The following SLC17A9 variants were observed in gnomAD, a reference collection of about 807,000 sequenced individuals.
SLC17A9 encodes solute carrier family 17 member 9, also known as voltage-gated purine nucleotide uniporter SLC17A9.
A neutral mutation model predicts 55.0 loss-of-function variants in SLC17A9; 49 were observed. The ratio of observed to expected loss-of-function variants is 0.89; its 90% CI spans 0.71 to 1.13. The LOEUF is 1.13. Ranked by LOEUF, SLC17A9 falls within the 50% of genes most tolerant of loss-of-function variation. The pLI is 0.00. For synonymous variants in SLC17A9, 256 were observed against 247.4 expected (o/e 1.03, Z -0.32); for missense variants, 526 against 569.3 (o/e 0.92, Z 0.77).
At chr20:62,964,077 A>T in intron 7 of SLC17A9, 151 bp from the exon 8 acceptor site, 1 of 771,806 alleles carries the variant, frequency 1.3e-6, no homozygotes, top group Admixed American at 2.0e-5. Flanking sequence ...GTGGTGGTCA[A>T]GAGCTGCACA....
At chr20:62,964,947 G>A (rs536819256) in intron 8 of SLC17A9, 185 bp from the exon 9 acceptor site, 8 of 620,186 alleles carry the variant, frequency 1.3e-5, no homozygotes, top group Admixed American at 8.7e-5. Flanking sequence ...GCGCACATGC[G>A]GCCTCGCGGC....
intron 1 of SLC17A9, among the ~76,000 whole-genome samples, chr20:62,955,314 AT>A (rs199788073): frequency 0.023 from 3,520 of 151,556 alleles, 49 homozygotes; most frequent in African/African-American, 0.03. Context: ...CGCCTGGCTA[AT>A]TTTTACATTT....
chr20:62,960,734 C>T (rs1300515102), intron 4 of SLC17A9, 131 bp downstream of exon 4: 1 of 838,008 alleles, frequency 1.2e-6, no homozygotes, highest in Non-Finnish European at 1.9e-6. Flanking sequence ...GTCCCGCAGG[C>T]GCCTTTTGGG....
chr20:62,966,474 A>G (rs1477848787), intron 10 of SLC17A9, 51 bp from the exon 11 acceptor site: 2 of 1,592,002 alleles, frequency 1.3e-6, no homozygotes, highest in Non-Finnish European at 1.7e-6. Context: ...ACCCTGGGCC[A>G]CCAGCTCGGT....
chr20:62,955,163 C>T (rs1316484824), intron 1 of SLC17A9, among the ~76,000 whole-genome samples: 2 of 150,754 alleles, frequency 1.3e-5, no homozygotes, highest in Non-Finnish European at 1.5e-5. Flanking sequence ...GATGGAGTCT[C>T]GCTAGGTGGA....
intron 12 of SLC17A9, 159 bp downstream of exon 12, chr20:62,966,891 C>T (rs2065645810): frequency 1.1e-6 from 1 of 897,572 alleles, no homozygotes; most frequent in Non-Finnish European, 1.6e-6. Context: ...GATGGGGCTG[C>T]CTTCCAGGTT....
chr20:62,965,602 T>C lies in SLC17A9; in HGVS notation c.946-8T>C. On this transcript the variant is annotated splice_polypyrimidine_tract_variant and splice_region_variant and intron_variant, in intron 9 of 12. Transcript: ENST00000370351. ...GTGCCTCTCCGTCACGGTGGCGCTT[T>C]CCTGCAGGGCATGGGCCTTGGCCTC... The C allele has an allele frequency of 6.2e-7, 1 of 1,611,166 alleles. No homozygotes were observed. The highest frequency in any genetic ancestry group is 8.5e-7 in the Non-Finnish European group (1 of 1,179,776).
intron 1 of SLC17A9, among the ~76,000 whole-genome samples, chr20:62,954,184 A>G (rs538807316): frequency 6.6e-6 from 1 of 152,334 alleles, no homozygotes; most frequent in African/African-American, 2.4e-5. Flanking sequence ...CCCTTGCCAC[A>G]GCTCTTCAAC....
Position 62,964,250 on chromosome 20 carries a change from C to T in SLC17A9, c.845C>T (p.Pro282Leu), listed in dbSNP as rs768718040. Residue 282 changes from proline to leucine, a missense_variant, in exon 8 of 13, where the codon CCT becomes CTT. Transcript: ENST00000370351. ...DAKGWIFNVV[P>L]WLVAIPASLF... ...CAGGGCTGGATCTTCAACGTGGTTC[C>T]TTGGTTGGTGGCGATTCCGGCCAGT... 5 of 1,614,192 alleles carry T rather than the reference C, an allele frequency of 3.1e-6. No homozygotes were observed. In the Admixed American group the frequency reaches 8.3e-5, roughly 27 times the overall value.
Position 62,962,663 on chromosome 20 carries a change from A to G in SLC17A9, c.537A>G (p.Glu179=), listed in dbSNP as rs1432033866. 3 of 1,613,866 alleles carry G rather than the reference A, an allele frequency of 1.9e-6. No homozygotes were observed. The African/African-American group carries it at 4.0e-5, about 22-fold the overall frequency. Residue 179 remains glutamate, a synonymous_variant, in exon 5 of 13, where the codon GAA becomes GAG. Coordinates refer to ENST00000370351, the MANE Select transcript of SLC17A9 (RefSeq NM_022082.4). This position sits in a 1 kb window ranked among gnomAD's most constrained non-coding sequence, Gnocchi z 5.5. ...GGGCGGTGGGCTCCCTGCTCCTGGAATGGTACGGCTGGCAGAGCATCTTCT... is the reference window on the plus strand; with the variant it reads ...GGGCGGTGGGCTCCCTGCTCCTGGAGTGGTACGGCTGGCAGAGCATCTTCT... ...LTGAVGSLLL[E]WYGWQSIFYF...
At chr20:62,956,477 G>A (rs1407137800) in intron 1 of SLC17A9, among the ~76,000 whole-genome samples, 2 of 152,192 alleles carry the variant, frequency 1.3e-5, no homozygotes, top group African/African-American at 4.8e-5. Context: ...AGCAGGGCCC[G>A]GCCCAGGCAC....
Position 62,965,593 on chromosome 20 carries a change from G to T in SLC17A9, c.946-17G>T, listed in dbSNP as rs780534789. 10 of 1,608,486 alleles carry T rather than the reference G, an allele frequency of 6.2e-6. No individual in the cohort carries two copies. Among genetic ancestry groups the T allele is most frequent in the Non-Finnish European group, 8.5e-6 (10 of 1,178,956 alleles). ...GCGGGCTGGGTGCCTCTCCGTCACG[G>T]TGGCGCTTTCCTGCAGGGCATGGGC... On this transcript the variant is annotated splice_polypyrimidine_tract_variant and intron_variant, in intron 9 of 12. Transcript: ENST00000370351.
Position 62,952,723 on chromosome 20 carries a change from T to G in SLC17A9, c.-108T>G. The G allele has an allele frequency of 8.4e-7, 1 of 1,192,230 alleles. No homozygotes were observed. The highest frequency in any genetic ancestry group is 1.1e-6 in the Non-Finnish European group (1 of 879,480). 73.9% of individuals were successfully genotyped at this position (1,192,230 alleles called of 1,614,324 possible). ...CTGAGAGAACCAGACGGAAGCGCGCTGGGACTGACACGTGGACTTGGGCGG... is the reference window on the plus strand; with the variant it reads ...CTGAGAGAACCAGACGGAAGCGCGCGGGGACTGACACGTGGACTTGGGCGG... On this transcript the variant is annotated 5_prime_UTR_variant, in exon 1 of 13. Coordinates refer to ENST00000370351, the MANE Select transcript of SLC17A9 (RefSeq NM_022082.4).
At position 62,961,395 on chromosome 20, in the gene SLC17A9, G is replaced by C. The variant is rs190247854; in HGVS notation, c.497+792G>C. On this transcript the variant is annotated intron_variant, in intron 4 of 12. Coordinates refer to ENST00000370351, the MANE Select transcript of SLC17A9 (RefSeq NM_022082.4). ...TGGAGGGCGGCTTGTCCTCATCCAC[G>C]ATGCGGCAACCCCGTGCCCCTCAGT... Among the ~76,000 whole-genome samples the C allele has an allele frequency of 5.0e-3, 766 of 152,162 alleles. 7 individuals carry two copies. Among genetic ancestry groups the C allele is most frequent in the African/African-American group, 0.018 (726 of 41,450 alleles).
chr20:62,966,883 T>A, intron 12 of SLC17A9, 151 bp downstream of exon 12: 1 of 966,404 alleles, frequency 1.0e-6, no homozygotes, highest in Admixed American at 2.9e-5. Context: ...GAGAGGAGGA[T>A]GGGGCTGCCT....
intron 10 of SLC17A9, 33 bp from the exon 11 acceptor site, chr20:62,966,492 A>T: frequency 1.2e-6 from 2 of 1,610,972 alleles, no homozygotes; most frequent in South Asian, 2.2e-5. Flanking sequence ...GGTGGTGGCC[A>T]GGGCCACTCA....
rs747830184 is a variant in SLC17A9, at chr20:62,957,592, T to C, written c.397+12T>C. ...GGGCTTGCTCCAAGGTAAGGGGAGCTCAGGCGGCTCCCTCACGCTCTCTGG... is the reference window on the plus strand; with the variant it reads ...GGGCTTGCTCCAAGGTAAGGGGAGCCCAGGCGGCTCCCTCACGCTCTCTGG... On this transcript the variant is annotated intron_variant, in intron 3 of 12. Coordinates refer to ENST00000370351, the MANE Select transcript of SLC17A9 (RefSeq NM_022082.4). The C allele has an allele frequency of 6.6e-7, 1 of 1,525,850 alleles. No homozygotes were observed. Among genetic ancestry groups the C allele is most frequent in the Non-Finnish European group, 8.8e-7 (1 of 1,136,952 alleles). The allele number at this position is 1,525,850 out of a possible 1,614,324, so 94.5% of individuals were successfully genotyped here.
At position 62,959,041 on chromosome 20, in the gene SLC17A9, C is replaced by T. The variant is rs1297215190; in HGVS notation, c.397+1461C>T. ...GCTGGAGGAGGAGGGGAGGAATGAACGAATCGGCAACCACCTGGAGGGGAG... is the reference window on the plus strand; with the variant it reads ...GCTGGAGGAGGAGGGGAGGAATGAATGAATCGGCAACCACCTGGAGGGGAG... On this transcript the variant is annotated intron_variant, in intron 3 of 12. Transcript: ENST00000370351. Among the ~76,000 whole-genome samples the T allele has an allele frequency of 2.6e-5, 4 of 152,178 alleles. No homozygotes were observed. In the East Asian group the frequency reaches 5.8e-4, roughly 22 times the overall value.
Position 62,967,542 on chromosome 20 carries a change from G to A in SLC17A9, c.*42G>A. 2 of 1,597,206 alleles carry A rather than the reference G, an allele frequency of 1.3e-6. No homozygotes were observed. Among genetic ancestry groups the A allele is most frequent in the East Asian group, 4.5e-5 (2 of 44,640 alleles). On this transcript the variant is annotated 3_prime_UTR_variant, in exon 13 of 13. Transcript: ENST00000370351. ...CTCTCCAAGGACCCAGGCGCCAGCAGCCCCAGGACACAGGGGACTCAGTGT... is the reference window on the plus strand; with the variant it reads ...CTCTCCAAGGACCCAGGCGCCAGCAACCCCAGGACACAGGGGACTCAGTGT...
Sources: allele counts gnomAD v4.1 joint callset (sites outside exome capture counted in the v4.1 genomes callset), GRCh38; gene constraint gnomAD v4.1.1; non-coding constraint Gnocchi (gnomAD v3.1); transcripts MANE v1.5; gene names NCBI Gene and HGNC (gene_info 2026-07-23, HGNC 2026-07-21).